Variants in CLSTN2 observed in about 807,000 individuals in gnomAD.
CLSTN2 encodes calsyntenin 2, also known as calsyntenin-2.
CLSTN2 carries 48 observed loss-of-function variants against 101.2 expected under a neutral mutation model. The observed-to-expected ratio is 0.47, with a 90% CI of 0.38 to 0.60. The LOEUF is 0.60. Among genes scored for constraint, CLSTN2 ranks in the 20% least tolerant of loss-of-function variants. The pLI is 0.00. For synonymous variants in CLSTN2, 481 were observed against 463.6 expected (o/e 1.04, Z -0.48); for missense variants, 1,160 against 1,238.2 (o/e 0.94, Z 0.95).
chr3:140,374,425 T>C (rs868791479), intron 2 of CLSTN2, among the ~76,000 whole-genome samples: 1 of 152,192 alleles, frequency 6.6e-6, no homozygotes, highest in Non-Finnish European at 1.5e-5. Context: ...CACAGAGTGA[T>C]CTTATGTCTG....
intron 2 of CLSTN2, among the ~76,000 whole-genome samples, chr3:140,376,632 C>A (rs999810928): frequency 2.6e-5 from 4 of 152,216 alleles, no homozygotes; most frequent in African/African-American, 9.6e-5. Context: ...TTTTTCACAA[C>A]ATGTTGCATA....
chr3:140,050,275 G>T (rs997533807), intron 1 of CLSTN2, among the ~76,000 whole-genome samples: 2 of 152,200 alleles, frequency 1.3e-5, no homozygotes, highest in Non-Finnish European at 2.9e-5. Flanking sequence ...AGTTGAACAG[G>T]AAACAAAAGC....
chr3:140,393,080 C>A lies in CLSTN2; in HGVS notation c.233-10549C>A, dbSNP rs1042512397. ...AATCCATGAATTAGCAGAGCCCTCC[C>A]GACCCAATCACCTCTTAAAGGCCTC... On this transcript the variant is annotated intron_variant, in intron 2 of 16. Coordinates refer to ENST00000458420, the MANE Select transcript of CLSTN2 (RefSeq NM_022131.3). Among the ~76,000 whole-genome samples, 5 of 152,108 alleles carry A rather than the reference C, an allele frequency of 3.3e-5. No individual in the cohort carries two copies. In the East Asian group the frequency reaches 9.6e-4, roughly 29 times the overall value.
In CLSTN2 at chr3:140,226,501, G is replaced by A. The variant is rs146612722; in HGVS notation, c.232+50428G>A. ...AAGGTGGATCGACAGCTAGATAGATGGATAGATATGGGATAAAGTGGTATA... is the reference window on the plus strand; with the variant it reads ...AAGGTGGATCGACAGCTAGATAGATAGATAGATATGGGATAAAGTGGTATA... On this transcript the variant is annotated intron_variant, in intron 2 of 16. Coordinates refer to ENST00000458420, the MANE Select transcript of CLSTN2 (RefSeq NM_022131.3). Among the ~76,000 whole-genome samples the A allele has an allele frequency of 1.8e-3, 277 of 152,212 alleles. 1 individual carries two copies. The highest frequency in any genetic ancestry group is 5.5e-3 in the African/African-American group (230 of 41,540).
chr3:140,342,184 T>C (rs913794744), intron 2 of CLSTN2, among the ~76,000 whole-genome samples: 4 of 152,242 alleles, frequency 2.6e-5, no homozygotes, highest in Non-Finnish European at 5.9e-5. Flanking sequence ...CTCGAACTAT[T>C]GACATTACGG....
chr3:140,432,328 G>A (rs555228564), intron 5 of CLSTN2, among the ~76,000 whole-genome samples: 53 of 152,180 alleles, frequency 3.5e-4, no homozygotes, highest in Admixed American at 3.0e-3. Context: ...AACCACACAC[G>A]ATGGGGCTCA....
At chr3:140,001,978 G>A (rs887013240) in intron 1 of CLSTN2, among the ~76,000 whole-genome samples, 6 of 152,108 alleles carry the variant, frequency 3.9e-5, no homozygotes, top group African/African-American at 1.4e-4. Context: ...GCAGAATAGT[G>A]CTCCATTGTG....
Position 140,462,353 on chromosome 3 carries a change from T to C in CLSTN2, c.1222+2584T>C, listed in dbSNP as rs564381459. Among the ~76,000 whole-genome samples the C allele has an allele frequency of 9.2e-5, 14 of 152,332 alleles. No homozygotes were observed. The South Asian group carries it at 2.7e-3, about 29-fold the overall frequency. On this transcript the variant is annotated intron_variant, in intron 7 of 16. Coordinates refer to ENST00000458420, the MANE Select transcript of CLSTN2 (RefSeq NM_022131.3). ...CACTGGCCCCCTTTCATTAGATATT[T>C]AGATTGTCTCCTTTTAAATGCAAAC...
chr3:140,163,344 G>T (rs1334023125), intron 1 of CLSTN2, among the ~76,000 whole-genome samples: 1 of 151,716 alleles, frequency 6.6e-6, no homozygotes, highest in Non-Finnish European at 1.5e-5. Context: ...TCAGCCTGCA[G>T]GCCTGACCTA....
At chr3:140,236,809 C>T (rs2107864193) in intron 2 of CLSTN2, among the ~76,000 whole-genome samples, 1 of 142,544 alleles carries the variant, frequency 7.0e-6, no homozygotes, top group African/African-American at 2.6e-5. Flanking sequence ...TTTCCTATTA[C>T]ATGTTATGTT....
At chr3:140,112,553 C>T (rs2009174012) in intron 1 of CLSTN2, among the ~76,000 whole-genome samples, 1 of 152,136 alleles carries the variant, frequency 6.6e-6, no homozygotes, top group African/African-American at 2.4e-5. Flanking sequence ...ATGCCATGAT[C>T]TCCTTCATAA....
intron 2 of CLSTN2, among the ~76,000 whole-genome samples, chr3:140,278,031 C>T (rs1229709808): frequency 6.6e-6 from 1 of 152,188 alleles, no homozygotes; most frequent in African/African-American, 2.4e-5. Flanking sequence ...GTCAGAGGCT[C>T]ACCCCACTGA....
intron 1 of CLSTN2, among the ~76,000 whole-genome samples, chr3:140,149,049 A>G (rs1387817024): frequency 6.6e-6 from 1 of 152,184 alleles, no homozygotes; most frequent in East Asian, 1.9e-4. Flanking sequence ...AGGGAGCTGT[A>G]CTGAGCAATA....
At chr3:140,363,311 G>T (rs1258460371) in intron 2 of CLSTN2, among the ~76,000 whole-genome samples, 1 of 152,174 alleles carries the variant, frequency 6.6e-6, no homozygotes, top group Non-Finnish European at 1.5e-5. Context: ...ATCTGTCTCA[G>T]GTGGCTGCCT....
At chr3:140,417,282 A>G (rs1472362322) in intron 4 of CLSTN2, among the ~76,000 whole-genome samples, 1 of 152,148 alleles carries the variant, frequency 6.6e-6, no homozygotes, top group Non-Finnish European at 1.5e-5. Flanking sequence ...TAGACATTAT[A>G]CTTAGCTCTT....
chr3:140,265,675 A>G (rs368538092), intron 2 of CLSTN2, among the ~76,000 whole-genome samples: 1 of 152,306 alleles, frequency 6.6e-6, no homozygotes, highest in Admixed American at 6.5e-5. Flanking sequence ...TCTGGAAAAA[A>G]GTAAAACCAT....
intron 1 of CLSTN2, among the ~76,000 whole-genome samples, chr3:140,033,145 T>C (rs1438735927): frequency 1.3e-5 from 2 of 152,240 alleles, no homozygotes; most frequent in Non-Finnish European, 2.9e-5. Context: ...TGACACGTAG[T>C]AGATAACACA....
chr3:140,181,513 G>T (rs749916657), intron 2 of CLSTN2, among the ~76,000 whole-genome samples: 15 of 152,180 alleles, frequency 9.9e-5, no homozygotes, highest in Non-Finnish European at 1.9e-4. Flanking sequence ...TGCCTAGATT[G>T]TTGGGTAGTG....
chr3:140,329,355 C>T (rs556564299), intron 2 of CLSTN2, among the ~76,000 whole-genome samples: 1 of 152,326 alleles, frequency 6.6e-6, no homozygotes, highest in East Asian at 1.9e-4. Context: ...CACTGCGCTC[C>T]ATCCTGGGTG....
Sources: allele counts gnomAD v4.1 joint callset (sites outside exome capture counted in the v4.1 genomes callset), GRCh38; gene constraint gnomAD v4.1.1; transcripts MANE v1.5; gene names NCBI Gene and HGNC (gene_info 2026-07-23, HGNC 2026-07-21).